The following MORC1 variants were observed in gnomAD, a reference collection of about 807,000 sequenced individuals.
MORC1 encodes MORC family CW-type zinc finger 1.
Under a neutral mutation model 134.9 loss-of-function variants are expected in MORC1, and 59 were observed. The observed-to-expected ratio is 0.44, with a 90% confidence interval of 0.35 to 0.54. MORC1 has a LOEUF of 0.54. Ranked by LOEUF, MORC1 falls within the 20% of genes least tolerant of loss-of-function variation. The probability of loss-of-function intolerance (pLI) is 0.00; values close to 1 mark genes in which losing one functional copy is unlikely to be tolerated. For missense variants in MORC1, 947 were observed against 1,134.5 expected, an observed-to-expected ratio of 0.83 and a Z score of 2.37; for synonymous variants, 395 against 391.7, an observed-to-expected ratio of 1.01 and a Z score of -0.10.
At chr3:109,098,567 C>T (rs990619584) in intron 6 of MORC1, among the ~76,000 whole-genome samples, 4 of 152,122 alleles carry the variant, frequency 2.6e-5, no homozygotes, top group Admixed American at 6.5e-5. Context: ...CCAGCTTTTC[C>T]GGCTGCAAGT....
intron 8 of MORC1, among the ~76,000 whole-genome samples, chr3:109,073,780 T>G: frequency 6.6e-6 from 1 of 152,202 alleles, no homozygotes; most frequent in South Asian, 2.1e-4. Flanking sequence ...TTAACAGGGT[T>G]TGTATTATCT....
At chr3:109,040,232 G>A (rs533754514) in intron 14 of MORC1, among the ~76,000 whole-genome samples, 2 of 151,518 alleles carry the variant, frequency 1.3e-5, no homozygotes, top group South Asian at 4.2e-4. Flanking sequence ...GTAGAAACAG[G>A]AAAGTATGGC....
chr3:109,112,645 C>T (rs769026419), intron 2 of MORC1, among the ~76,000 whole-genome samples: 4 of 152,224 alleles, frequency 2.6e-5, no homozygotes, highest in African/African-American at 4.8e-5. Context: ...CCCCTGATCC[C>T]GTGGAGGAAT....
intron 14 of MORC1, among the ~76,000 whole-genome samples, chr3:109,040,411 G>GA (rs1559912571): frequency 5.2e-4 from 13 of 25,214 alleles, no homozygotes; most frequent in African/African-American, 8.2e-4. Context: ...AGAGAAGGAA[G>GA]GAAGGAAGGA....
chr3:108,981,709 T>A (rs1576592636), intron 23 of MORC1, among the ~76,000 whole-genome samples: 1 of 152,230 alleles, frequency 6.6e-6, no homozygotes, highest in Non-Finnish European at 1.5e-5. Context: ...AAGTGGTCAG[T>A]AAATAATACC....
chr3:108,987,236 T>C (rs1269732905), intron 21 of MORC1, among the ~76,000 whole-genome samples: 1 of 152,206 alleles, frequency 6.6e-6, no homozygotes, highest in South Asian at 2.1e-4. Flanking sequence ...AAAATTGATA[T>C]TACACATTGA....
intron 18 of MORC1, among the ~76,000 whole-genome samples, 155 bp downstream of exon 18, chr3:109,006,874 T>C (rs1948552602): frequency 1.3e-5 from 2 of 152,248 alleles, no homozygotes; most frequent in Middle Eastern, 3.2e-3. Context: ...AATAAACATG[T>C]ATTACTCTAA....
chr3:109,008,260 T>C lies in MORC1; in HGVS notation c.1705-1169A>G, dbSNP rs1039588305. Among the ~76,000 whole-genome samples the C allele has an allele frequency of 3.3e-5, 5 of 152,288 alleles. No individual in the cohort carries two copies. In the South Asian group the frequency reaches 1.0e-3, roughly 32 times the overall value. On this transcript the variant is annotated intron_variant, in intron 17 of 27. Coordinates refer to ENST00000232603, the MANE Select transcript of MORC1 (RefSeq NM_014429.4). Reference sequence around the variant, plus strand: ...TTTCACATTTGGGTGAATATGTCCATATAATCAATTTCCAAAAGTGACATT... The same window carrying C: ...TTTCACATTTGGGTGAATATGTCCACATAATCAATTTCCAAAAGTGACATT...
At chr3:108,998,487 T>C (rs1948300935) in intron 21 of MORC1, among the ~76,000 whole-genome samples, 1 of 152,146 alleles carries the variant, frequency 6.6e-6, no homozygotes, top group Non-Finnish European at 1.5e-5. Context: ...TAATTATTCT[T>C]CCTTAAGTGA....
Position 109,085,333 on chromosome 3 carries a change from T to C in MORC1, c.689+8103A>G, listed in dbSNP as rs959742212. Among the ~76,000 whole-genome samples the C allele has an allele frequency of 5.3e-5, 8 of 152,258 alleles. No homozygotes were observed. The East Asian group carries it at 5.8e-4, about 11-fold the overall frequency. On this transcript the variant is annotated intron_variant, in intron 8 of 27. Transcript: ENST00000232603. ...CAAAGTGATGAGACAACCTGCAGAA[T>C]AGGAGAAAATATTTGCAAACTATCC... is the stretch of plus-strand genomic sequence containing the variant.
chr3:109,029,615 A>T (rs945284427), intron 16 of MORC1, among the ~76,000 whole-genome samples: 3 of 152,184 alleles, frequency 2.0e-5, no homozygotes, highest in Non-Finnish European at 4.4e-5. Flanking sequence ...AATGGAAGCA[A>T]ACTGATGGCT....
chr3:109,046,638 A>G (rs1395451686), intron 14 of MORC1, among the ~76,000 whole-genome samples: 1 of 152,152 alleles, frequency 6.6e-6, no homozygotes, highest in African/African-American at 2.4e-5. Context: ...AAAGACCCAT[A>G]TTTGATTTTT....
At chr3:109,046,408 T>G (rs1949698198) in intron 14 of MORC1, among the ~76,000 whole-genome samples, 1 of 152,232 alleles carries the variant, frequency 6.6e-6, no homozygotes, top group African/African-American at 2.4e-5. Flanking sequence ...TGCTCTCCTT[T>G]GGATATATTC....
chr3:108,974,018 T>C (rs1177097507), intron 24 of MORC1, among the ~76,000 whole-genome samples: 1 of 152,180 alleles, frequency 6.6e-6, no homozygotes, highest in Non-Finnish European at 1.5e-5. Context: ...TTTTCTCTGA[T>C]TTCCTGGCTA....
chr3:109,017,488 G>C (rs1948843844), intron 17 of MORC1, among the ~76,000 whole-genome samples: 1 of 152,118 alleles, frequency 6.6e-6, no homozygotes, highest in Non-Finnish European at 1.5e-5. Flanking sequence ...TCCCCTAAAA[G>C]TTTTCCTTCT....
chr3:108,978,078 C>A (rs1018511291), intron 24 of MORC1, among the ~76,000 whole-genome samples: 1 of 152,056 alleles, frequency 6.6e-6, no homozygotes, highest in Middle Eastern at 3.2e-3. Flanking sequence ...GGGGTTTCAC[C>A]GTGTTAGCCA....
At chr3:108,972,709 A>T (rs919622241) in intron 24 of MORC1, among the ~76,000 whole-genome samples, 6 of 152,322 alleles carry the variant, frequency 3.9e-5, no homozygotes, top group African/African-American at 1.4e-4. Context: ...TTGTTGGAGC[A>T]GGAGGGGTGA....
intron 4 of MORC1, among the ~76,000 whole-genome samples, chr3:109,103,410 C>A (rs1297742127): frequency 6.6e-6 from 1 of 152,066 alleles, no homozygotes; most frequent in Non-Finnish European, 1.5e-5. Context: ...GAGGAAAAAA[C>A]AAGGCTAAAA....
In MORC1 at chr3:109,059,884, T is replaced by A. The variant is rs752149214; in HGVS notation, c.967-14A>T. ...CTGTAATACATCCTGGAGAAATGCATTGGTTGGGAGAGAACATAATGCCAC... is the reference window on the plus strand; with the variant it reads ...CTGTAATACATCCTGGAGAAATGCAATGGTTGGGAGAGAACATAATGCCAC... On this transcript the variant is annotated splice_polypyrimidine_tract_variant and intron_variant, in intron 11 of 27. Transcript: ENST00000232603. 2.4e-5 allele frequency: 39 copies of A among 1,608,400 alleles called. No homozygotes were observed. The highest frequency in any genetic ancestry group is 3.3e-5 in the Non-Finnish European group (39 of 1,177,064).
Sources: allele counts gnomAD v4.1 joint callset (sites outside exome capture counted in the v4.1 genomes callset), GRCh38; gene constraint gnomAD v4.1.1; transcripts MANE v1.5; gene names NCBI Gene and HGNC (gene_info 2026-07-23, HGNC 2026-07-21).